Variants in XRCC4 observed in about 807,000 individuals in gnomAD.
XRCC4 encodes the protein X-ray repair cross complementing 4.
In XRCC4, 28 loss-of-function variants were observed where a neutral mutation model predicts 39.1. The observed-to-expected ratio is 0.72, with a 90% confidence interval of 0.53 to 0.98. XRCC4 has a LOEUF of 0.98. XRCC4 is among the 50% of genes least tolerant of loss of function. The probability of loss-of-function intolerance (pLI) is 0.00; values close to 1 mark genes in which losing one functional copy is unlikely to be tolerated. For missense variants in XRCC4, 350 were observed against 376.4 expected (o/e 0.93, Z 0.58); for synonymous variants, 123 against 126.4 (o/e 0.97, Z 0.18).
intron 6 of XRCC4, among the ~76,000 whole-genome samples, chr5:83,230,376 C>T (rs1752452480): frequency 1.3e-5 from 2 of 151,952 alleles, no homozygotes; most frequent in South Asian, 2.1e-4. Context: ...CATAGCTTTC[C>T]AAAGTGAAAG....
chr5:83,264,526 C>A (rs188179458), intron 7 of XRCC4, among the ~76,000 whole-genome samples: 3 of 151,388 alleles, frequency 2.0e-5, no homozygotes, highest in Admixed American at 1.3e-4. Flanking sequence ...TATTTGTTTC[C>A]CAATTATAAA....
At chr5:83,150,134 A>T (rs1252953543) in intron 3 of XRCC4, among the ~76,000 whole-genome samples, 1 of 152,192 alleles carries the variant, frequency 6.6e-6, no homozygotes, top group Admixed American at 6.5e-5. Flanking sequence ...TGGTATAGCA[A>T]GCCTCTTATT....
intron 3 of XRCC4, among the ~76,000 whole-genome samples, chr5:83,153,316 C>T (rs1243476763): frequency 6.6e-6 from 1 of 151,676 alleles, no homozygotes; most frequent in Non-Finnish European, 1.5e-5. Flanking sequence ...TCAAGCAATT[C>T]TCATGCCTTA....
intron 6 of XRCC4, among the ~76,000 whole-genome samples, chr5:83,234,118 C>G (rs1160477642): frequency 1.3e-5 from 2 of 152,048 alleles, no homozygotes; most frequent in Non-Finnish European, 2.9e-5. Flanking sequence ...AAAATTCTAT[C>G]AGCTCTACAT....
chr5:83,215,728 G>T (rs1361553270), intron 6 of XRCC4, among the ~76,000 whole-genome samples: 1 of 152,150 alleles, frequency 6.6e-6, no homozygotes, highest in Non-Finnish European at 1.5e-5. Context: ...GTGGGGAAAG[G>T]ATAGTCTTTT....
At chr5:83,217,445 A>G (rs1481282841) in intron 6 of XRCC4, among the ~76,000 whole-genome samples, 3 of 152,120 alleles carry the variant, frequency 2.0e-5, no homozygotes, top group African/African-American at 7.2e-5. Context: ...CCAGAGTTCA[A>G]AAGTGCAAGT....
intron 3 of XRCC4, among the ~76,000 whole-genome samples, chr5:83,136,912 A>G (rs1455649189): frequency 6.6e-6 from 1 of 152,208 alleles, no homozygotes; most frequent in Non-Finnish European, 1.5e-5. Context: ...ATTGTACTGT[A>G]TTTGAAGGTT....
intron 3 of XRCC4, among the ~76,000 whole-genome samples, chr5:83,127,439 A>G (rs1362983696): frequency 6.6e-6 from 1 of 151,998 alleles, no homozygotes; most frequent in Non-Finnish European, 1.5e-5. Context: ...TACCCTTTTC[A>G]CTTGGTTCTC....
At chr5:83,312,444 G>A (rs778401072) in intron 7 of XRCC4, among the ~76,000 whole-genome samples, 1 of 152,122 alleles carries the variant, frequency 6.6e-6, no homozygotes, top group Non-Finnish European at 1.5e-5. Flanking sequence ...AATTAACCAT[G>A]GAGAGATCAC....
chr5:83,374,003 G>A, the XRCC4 span, among the ~76,000 whole-genome samples: 180 of 152,246 alleles, frequency 1.2e-3, no homozygotes, highest in African/African-American at 4.2e-3. Context: ...CAAAGTTTGC[G>A]AGGACCTGCC....
chr5:83,278,758 G>A (rs1754424830), intron 7 of XRCC4, among the ~76,000 whole-genome samples: 1 of 151,854 alleles, frequency 6.6e-6, no homozygotes, highest in Non-Finnish European at 1.5e-5. Flanking sequence ...GGCCGAGGTG[G>A]GTGGATTACC....
intron 3 of XRCC4, among the ~76,000 whole-genome samples, chr5:83,152,632 CAAAAAAAA>C (rs59213558): frequency 9.8e-5 from 11 of 112,312 alleles, no homozygotes; most frequent in East Asian, 7.7e-4. Context: ...GATCCTGTCT[CAAAAAAAA>C]AAAAAAAAAA....
chr5:83,141,843 CAA>C (rs11284035), intron 3 of XRCC4, among the ~76,000 whole-genome samples: 11,613 of 137,592 alleles, frequency 0.084, 986 homozygotes, highest in African/African-American at 0.22. Flanking sequence ...GAATCTTGTA[CAA>C]AAAAAAAAAA....
chr5:83,326,729 G>A (rs1411004516), intron 7 of XRCC4, among the ~76,000 whole-genome samples: 4 of 151,994 alleles, frequency 2.6e-5, no homozygotes, highest in Non-Finnish European at 5.9e-5. Flanking sequence ...GTGCCAGAAA[G>A]CAGCTTGTAA....
chr5:83,336,732 T>G (rs1756605797), intron 7 of XRCC4, among the ~76,000 whole-genome samples: 1 of 152,204 alleles, frequency 6.6e-6, no homozygotes, highest in Non-Finnish European at 1.5e-5. Flanking sequence ...GTACGTGTGC[T>G]TAGAAGTTGA....
At chr5:83,358,749 G>A (rs1156783915), downstream of XRCC4, among the ~76,000 whole-genome samples, 2 of 152,136 alleles carry the variant, frequency 1.3e-5, no homozygotes, top group Non-Finnish European at 2.9e-5. Context: ...AATTAATATA[G>A]GTGGATTAAA....
chr5:83,253,491 T>C (rs1397280012), intron 6 of XRCC4, among the ~76,000 whole-genome samples: 1 of 137,534 alleles, frequency 7.3e-6, no homozygotes, highest in African/African-American at 3.6e-5. Context: ...CATTGGGGTG[T>C]ATGTTTGTGT....
intron 6 of XRCC4, among the ~76,000 whole-genome samples, chr5:83,257,213 T>G (rs1753574864): frequency 6.6e-6 from 1 of 151,860 alleles, no homozygotes; most frequent in Non-Finnish European, 1.5e-5. Context: ...ATAACAGGCT[T>G]AAGGGAGAAA....
chr5:83,364,577 A>T, the XRCC4 span, among the ~76,000 whole-genome samples: 3 of 152,166 alleles, frequency 2.0e-5, no homozygotes, highest in Admixed American at 6.5e-5. Context: ...TCATAGAATC[A>T]TTGAGAATGT....
Sources: gnomAD v4.1 joint callset for allele counts (sites outside exome capture counted in the v4.1 genomes callset) on GRCh38, gnomAD v4.1.1 for gene constraint, MANE v1.5 for transcripts, NCBI Gene and HGNC (gene_info 2026-07-23, HGNC 2026-07-21) for gene names.